MGAT4C: variants seen among roughly 807,000 people sequenced by gnomAD.
The protein encoded by MGAT4C is MGAT4 family member C.
MGAT4C carries 19 observed loss-of-function variants against 40.1 expected under a neutral mutation model. That is an observed-to-expected ratio of 0.47 (90% CI 0.33 to 0.70). The LOEUF is 0.70. Among genes scored for constraint, MGAT4C ranks in the 30% least tolerant of loss-of-function variants. The pLI, the probability that MGAT4C is intolerant of heterozygous loss-of-function variation, is 0.02. For synonymous variants in MGAT4C, 181 were observed against 187.1 expected (o/e 0.97, Z 0.27); for missense variants, 491 against 563.2 (o/e 0.87, Z 1.30).
At chr12:86,598,522 A>C in intron 2 of MGAT4C, among the ~76,000 whole-genome samples, 1 of 152,106 alleles carries the variant, frequency 6.6e-6, no homozygotes, top group East Asian at 1.9e-4. Flanking sequence ...CTAGTCTTTA[A>C]AACTTCAAAG....
At chr12:86,242,167 C>A (rs1303402137) in intron 1 of MGAT4C, among the ~76,000 whole-genome samples, 1 of 152,110 alleles carries the variant, frequency 6.6e-6, no homozygotes, top group African/African-American at 2.4e-5. Context: ...GGGCCTCAAC[C>A]TCAAGTAGAA....
intron 2 of MGAT4C, chr12:86,015,966 A>G (rs984573763): frequency 1.3e-5 from 2 of 152,100 alleles, no homozygotes; most frequent in Admixed American, 1.3e-4. Context: ...CACCTAAACT[A>G]CTATTATTTC....
intron 1 of MGAT4C, among the ~76,000 whole-genome samples, chr12:86,737,757 T>TA (rs147721324): frequency 0.046 from 6,809 of 147,490 alleles, 180 homozygotes; most frequent in Non-Finnish European, 0.051. Context: ...GTTTCCCAGT[T>TA]AAAAAAAAAA....
chr12:86,680,192 C>A (rs1186729356), intron 2 of MGAT4C, among the ~76,000 whole-genome samples: 1 of 151,570 alleles, frequency 6.6e-6, no homozygotes, highest in African/African-American at 2.4e-5. Context: ...ATGAATGAAC[C>A]CATAATTTTA....
chr12:86,134,566 T>C (rs1268456321), intron 1 of MGAT4C, among the ~76,000 whole-genome samples: 2 of 152,166 alleles, frequency 1.3e-5, no homozygotes, highest in Non-Finnish European at 2.9e-5. Context: ...TCTATTTTTT[T>C]TCCTTTGTCA....
chr12:86,719,527 A>G (rs190027424), intron 2 of MGAT4C, among the ~76,000 whole-genome samples: 5 of 152,202 alleles, frequency 3.3e-5, no homozygotes, highest in African/African-American at 1.2e-4. Flanking sequence ...AATCCAGCTG[A>G]GTACATGTTG....
intron 3 of MGAT4C, among the ~76,000 whole-genome samples, chr12:86,342,440 C>A (rs1954924795): frequency 6.6e-6 from 1 of 152,156 alleles, no homozygotes; most frequent in Admixed American, 6.5e-5. Flanking sequence ...TCTGCCACTG[C>A]CTATGCAGTG....
intron 1 of MGAT4C, among the ~76,000 whole-genome samples, chr12:86,780,960 C>T (rs1022866636): frequency 1.2e-4 from 18 of 152,006 alleles, no homozygotes; most frequent in Non-Finnish European, 5.9e-5. Context: ...GCCTCCAATT[C>T]CATTCATGTT....
chr12:86,233,459 T>C (rs1385808117), intron 1 of MGAT4C, among the ~76,000 whole-genome samples: 1 of 152,202 alleles, frequency 6.6e-6, no homozygotes, highest in Non-Finnish European at 1.5e-5. Flanking sequence ...CTTTGATAGG[T>C]GACAGCCTTG....
chr12:86,711,169 C>T (rs1950549827), intron 2 of MGAT4C, among the ~76,000 whole-genome samples: 1 of 151,690 alleles, frequency 6.6e-6, no homozygotes, highest in Admixed American at 6.6e-5. Context: ...CACGTGTACC[C>T]CCCAAAAATT....
intron 1 of MGAT4C, among the ~76,000 whole-genome samples, chr12:86,063,310 A>T (rs1894181763): frequency 6.6e-6 from 1 of 152,184 alleles, no homozygotes; most frequent in Non-Finnish European, 1.5e-5. Context: ...AATCCTTCAC[A>T]GACAAGCAAA....
intron 1 of MGAT4C, among the ~76,000 whole-genome samples, chr12:86,180,085 G>C (rs1887944035): frequency 6.6e-6 from 1 of 152,186 alleles, no homozygotes; most frequent in South Asian, 2.1e-4. Context: ...TTGGTGCCCT[G>C]TGTTCCTGCC....
At chr12:86,471,183 A>C (rs1957753213) in intron 2 of MGAT4C, among the ~76,000 whole-genome samples, 1 of 152,080 alleles carries the variant, frequency 6.6e-6, no homozygotes, top group African/African-American at 2.4e-5. Flanking sequence ...GGAATAAAGA[A>C]AGAACAACAT....
intron 2 of MGAT4C, among the ~76,000 whole-genome samples, chr12:86,705,867 C>A (rs1224949147): frequency 6.6e-6 from 1 of 152,074 alleles, no homozygotes; most frequent in Non-Finnish European, 1.5e-5. Flanking sequence ...CTATTATATC[C>A]TTATCTGAGA....
chr12:86,403,365 A>T (rs1482427512), intron 3 of MGAT4C, among the ~76,000 whole-genome samples: 2 of 152,234 alleles, frequency 1.3e-5, no homozygotes, highest in African/African-American at 4.8e-5. Context: ...TGTACTAAGG[A>T]AAAATATATG....
At chr12:86,353,231 A>T (rs963447564) in intron 3 of MGAT4C, among the ~76,000 whole-genome samples, 3 of 152,070 alleles carry the variant, frequency 2.0e-5, no homozygotes, top group African/African-American at 7.2e-5. Context: ...AGGACTTTTT[A>T]AAATGTATGA....
chr12:86,221,830 G>C (rs767731589), intron 1 of MGAT4C, among the ~76,000 whole-genome samples: 16 of 152,170 alleles, frequency 1.1e-4, no homozygotes, highest in Admixed American at 7.9e-4. Context: ...GGTTCTAAGG[G>C]CTGCAGGATT....
At chr12:86,141,212 A>G (rs993825939) in intron 1 of MGAT4C, among the ~76,000 whole-genome samples, 9 of 152,196 alleles carry the variant, frequency 5.9e-5, no homozygotes, top group Non-Finnish European at 1.3e-4. Flanking sequence ...TTTGGTGGTT[A>G]TTTGTAGACA....
At chr12:86,376,543 G>A (rs2405925) in intron 3 of MGAT4C, among the ~76,000 whole-genome samples, 97,104 of 151,836 alleles carry the variant, frequency 0.64, 32,097 homozygotes, top group South Asian at 0.77. Context: ...TGAATATTTG[G>A]TGAATGACTA....
Sources: gnomAD v4.1 joint callset for allele counts (sites outside exome capture counted in the v4.1 genomes callset) on GRCh38, gnomAD v4.1.1 for gene constraint, MANE v1.5 for transcripts, NCBI Gene and HGNC (gene_info 2026-07-23, HGNC 2026-07-21) for gene names.